JSRP1: variants seen among roughly 807,000 people sequenced by gnomAD.
The protein encoded by JSRP1 is 2310032K21Rik.
Under a neutral mutation model 21.4 loss-of-function variants are expected in JSRP1, and 29 were observed. The observed-to-expected ratio is 1.36, with a 90% CI of 1.01 to 1.85. The LOEUF (loss-of-function observed/expected upper bound fraction) is 1.85. Ranked by LOEUF, JSRP1 falls within the 40% of genes most tolerant of loss-of-function variation. The pLI is 0.00. For missense variants in JSRP1, 531 were observed against 461.5 expected (o/e 1.15, Z -1.38); for synonymous variants, 221 against 206.1 (o/e 1.07, Z -0.62).
Position 2,253,606 on chromosome 19 carries a change from G to A in JSRP1, c.436+14C>T, listed in dbSNP as rs1489562660. 1 of 1,452,822 alleles carries A rather than the reference G, an allele frequency of 6.9e-7. No individual in the cohort carries two copies. Among genetic ancestry groups the A allele is most frequent in the Admixed American group, 2.6e-5 (1 of 37,744 alleles). 90.0% of individuals were successfully genotyped at this position (1,452,822 alleles called of 1,614,324 possible). A position where few individuals can be genotyped will look rare whatever the true frequency, so the allele number is the denominator to read the frequency against. ...ACCCCAGCCTCGCCCCACCTCTGGGGAGCCTGCGCTCACCGCGGCACAGCT... is the reference window on the plus strand; with the variant it reads ...ACCCCAGCCTCGCCCCACCTCTGGGAAGCCTGCGCTCACCGCGGCACAGCT... On this transcript the variant is annotated intron_variant, in intron 5 of 6. Coordinates refer to ENST00000300961, the MANE Select transcript of JSRP1 (RefSeq NM_144616.4).
intron 4 of JSRP1, 63 bp downstream of exon 4, chr19:2,254,124 C>A: frequency 7.8e-7 from 1 of 1,278,528 alleles, no homozygotes; most frequent in Non-Finnish European, 1.1e-6. Context: ...CCAGCTCCGG[C>A]ACCTGAGCCT....
At chr19:2,254,603 G>A in intron 2 of JSRP1, 121 bp from the exon 3 acceptor site, 1 of 1,084,130 alleles carries the variant, frequency 9.2e-7, no homozygotes, top group Non-Finnish European at 1.4e-6. Context: ...GAAAGTAGGT[G>A]GAGGCCAGCA....
At chr19:2,255,439 C>G (rs993016639) in intron 1 of JSRP1, 95 bp from the exon 2 acceptor site, 3 of 571,618 alleles carry the variant, frequency 5.2e-6, no homozygotes, top group Non-Finnish European at 9.2e-6. Context: ...ACTAACAGGC[C>G]CCGTCCTCCC....
Position 2,254,473 on chromosome 19 carries a change from C to A in JSRP1, c.119G>T (p.Arg40Met). 6.2e-7 allele frequency: 1 copy of A among 1,612,850 alleles called. No homozygotes were observed. Among genetic ancestry groups the A allele is most frequent in the Non-Finnish European group, 8.5e-7 (1 of 1,179,962 alleles). ...TQEDRASATP[R>M]LADSGSVPHD... ...GGGCACGCTGCCGGAGTCGGCCAGCCTGGGTGTCGCTGTGGGAACACAGGC... is the reference window on the plus strand; with the variant it reads ...GGGCACGCTGCCGGAGTCGGCCAGCATGGGTGTCGCTGTGGGAACACAGGC... The change falls in exon 3 of 7, where the codon AGG becomes ATG. Residue 40 changes from arginine to methionine, a missense_variant. Physicochemically the swap from Arg to Met is moderately conservative, Grantham distance 91. Transcript: ENST00000300961.
chr19:2,254,052 C>T, intron 4 of JSRP1, 135 bp downstream of exon 4: 2 of 762,274 alleles, frequency 2.6e-6, no homozygotes, highest in Non-Finnish European at 4.3e-6. Context: ...TGCCCGTTGA[C>T]TCGCTGCCTG....
rs1423694791 is a variant in JSRP1, at chr19:2,252,387, TCGGGACGCCTC to T, written c.927_937del (p.Arg311GlyfsTer?). 1.3e-6 allele frequency: 2 copies of T among 1,591,356 alleles called. No homozygotes were observed. Among genetic ancestry groups the T allele is most frequent in the Non-Finnish European group, 1.7e-6 (2 of 1,171,134 alleles). ...GCGACTCCCAGGCCGCTGCTCCTCG[TCGGGACGCCTC>T]GGGGACACCCAGGCCTGCTTCTTCC... On this transcript the variant is annotated frameshift_variant, in exon 7 of 7. Transcript: ENST00000300961. LOFTEE classifies it low-confidence loss of function (END_TRUNC).
chr19:2,255,285 C>T lies in JSRP1; in HGVS notation c.30G>A (p.Glu10=). The T allele has an allele frequency of 1.9e-6, 3 of 1,611,316 alleles. No homozygotes were observed. The highest frequency in any genetic ancestry group is 2.5e-6 in the Non-Finnish European group (3 of 1,179,050). ...GGCAGCTGCCCAGGCCGCCATCCAG[C>T]TCCTCCCAGGCTCTGGTTGTCATGG... MSMTTRAWE[E]LDGGLGSCQA... Residue 10 remains glutamate, a synonymous_variant, in exon 2 of 7, where the codon GAG becomes GAA. Coordinates refer to ENST00000300961, the MANE Select transcript of JSRP1 (RefSeq NM_144616.4).
chr19:2,254,407 G>C, intron 3 of JSRP1, 38 bp downstream of exon 3: 1 of 1,612,026 alleles, frequency 6.2e-7, no homozygotes, highest in Non-Finnish European at 8.5e-7. Flanking sequence ...AACTCCCCAG[G>C]CGTCCTGGGT....
chr19:2,255,239 C>T lies in JSRP1; in HGVS notation c.76G>A (p.Ala26Thr). The change falls in exon 2 of 7, where the codon GCG (alanine) becomes ACG (threonine). Residue 26 changes from alanine (A) to threonine (T), a missense_variant. By Grantham distance (58) the Ala-to-Thr change is moderately conservative. Transcript: ENST00000300961. ...CTGTCCTCCTGGGTCTCGGCCAGCGCAGAGTGGTCCTCCAGGGCCTGGCAG... is the reference window on the plus strand; with the variant it reads ...CTGTCCTCCTGGGTCTCGGCCAGCGTAGAGTGGTCCTCCAGGGCCTGGCAG... ...GSCQALEDHS[A>T]LAETQEDRAS... 3 of 1,611,508 alleles carry T rather than the reference C, an allele frequency of 1.9e-6. No individual in the cohort carries two copies. Among genetic ancestry groups the T allele is most frequent in the Non-Finnish European group, 1.7e-6 (2 of 1,178,942 alleles).
rs745842561 is a variant in JSRP1 at position 2,255,201 on chromosome 19, G to T, written c.109+5C>A. Reference sequence around the variant, plus strand: ...GGCTTCCTCCCGCCAGCGCCACAAGGGTACCTGAAGCCCTGTCCTCCTGGG... The same window carrying T: ...GGCTTCCTCCCGCCAGCGCCACAAGTGTACCTGAAGCCCTGTCCTCCTGGG... On this transcript the variant is annotated splice_donor_5th_base_variant and intron_variant, in intron 2 of 6. Coordinates refer to ENST00000300961, the MANE Select transcript of JSRP1 (RefSeq NM_144616.4). The T allele has an allele frequency of 4.4e-6, 7 of 1,582,992 alleles. No individual in the cohort carries two copies. In the South Asian group the frequency reaches 7.8e-5, roughly 18 times the overall value.
chr19:2,254,721 T>TAAAAAAAAAAAA, intron 2 of JSRP1, among the ~76,000 whole-genome samples: 1 of 115,044 alleles, frequency 8.7e-6, no homozygotes. Flanking sequence ...ACCCCATCTC[T>TAAAAAAAAAAAA]AAAAAAAAAA....
In JSRP1 at chr19:2,252,814, G is replaced by T; in HGVS notation, c.529-18C>A. On this transcript the variant is annotated intron_variant, in intron 6 of 6. Coordinates refer to ENST00000300961, the MANE Select transcript of JSRP1 (RefSeq NM_144616.4). ...AACTTAGGCTGCAAGACAGAGTGGG[G>T]TCCTGGGGTAAGCGCCCACCTTCCC... 2 of 1,603,784 alleles carry T rather than the reference G, an allele frequency of 1.2e-6. No homozygotes were observed. Among genetic ancestry groups the T allele is most frequent in the Non-Finnish European group, 8.5e-7 (1 of 1,174,402 alleles).
At position 2,255,257 on chromosome 19, in the gene JSRP1, C is replaced by T. The variant is rs1364634061; in HGVS notation, c.58G>A (p.Ala20Thr). The T allele has an allele frequency of 2.5e-6, 4 of 1,611,488 alleles. No homozygotes were observed. The East Asian group carries it at 6.7e-5, about 27-fold the overall frequency. Residue 20 changes from alanine to threonine, a missense_variant, in exon 2 of 7, where the codon GCC becomes ACC. Coordinates refer to ENST00000300961, the MANE Select transcript of JSRP1 (RefSeq NM_144616.4). ...GCCAGCGCAGAGTGGTCCTCCAGGGCCTGGCAGCTGCCCAGGCCGCCATCC... is the reference window on the plus strand; with the variant it reads ...GCCAGCGCAGAGTGGTCCTCCAGGGTCTGGCAGCTGCCCAGGCCGCCATCC... The part of the protein sequence containing the change: ...ELDGGLGSCQ[A>T]LEDHSALAET...
In JSRP1 at chr19:2,255,267, G is replaced by A; in HGVS notation, c.48C>T (p.Gly16=). Residue 16 remains glycine (G), a synonymous_variant, in exon 2 of 7, where the codon GGC becomes GGT. Transcript: ENST00000300961. The part of the protein sequence containing the change: ...RAWEELDGGL[G]SCQALEDHSA... ...AGTGGTCCTCCAGGGCCTGGCAGCT[G>A]CCCAGGCCGCCATCCAGCTCCTCCC... is the stretch of plus-strand genomic sequence containing the variant. 1 of 1,611,290 alleles carries A rather than the reference G, an allele frequency of 6.2e-7. No individual in the cohort carries two copies. The highest frequency in any genetic ancestry group is 8.5e-7 in the Non-Finnish European group (1 of 1,178,984).
rs776024758 is a variant in JSRP1 at position 2,252,345 on chromosome 19, C to A, written c.980G>T (p.Gly327Val). 1.3e-5 allele frequency: 20 copies of A among 1,523,934 alleles called. 1 individual carries two copies. Among genetic ancestry groups the A allele is most frequent in the Non-Finnish European group, 1.1e-5 (13 of 1,139,750 alleles). The allele number at this position is 1,523,934 out of a possible 1,614,324, so 94.4% of individuals were successfully genotyped here. Residue 327 changes from glycine to valine, a missense_variant, in exon 7 of 7, where the codon GGC becomes GTC. Transcript: ENST00000300961. Reference protein sequence around the residue: ...RPGSRQKLRAGKGRD With the variant: ...RPGSRQKLRAVKGRD ...GGGGCCGGCTCAGTCCCGCCCCTTGCCTGCGCGGAGCTTCTGGCGACTCCC... is the reference window on the plus strand; with the variant it reads ...GGGGCCGGCTCAGTCCCGCCCCTTGACTGCGCGGAGCTTCTGGCGACTCCC...
In JSRP1 at chr19:2,252,715, T is replaced by C. The variant is rs2025077419; in HGVS notation, c.610A>G (p.Ser204Gly). 6.2e-7 allele frequency: 1 copy of C among 1,612,368 alleles called. No individual in the cohort carries two copies. Among genetic ancestry groups the C allele is most frequent in the Non-Finnish European group, 8.5e-7 (1 of 1,179,896 alleles). The change falls in exon 7 of 7, where the codon AGT becomes GGT. Residue 204 changes from serine (S) to glycine (G), a missense_variant. Ser to Gly is a moderately conservative substitution (Grantham distance 56, BLOSUM62 0). Coordinates refer to ENST00000300961, the MANE Select transcript of JSRP1 (RefSeq NM_144616.4). ...TCGTCGTTCTCTGCAGCCTCCCGACTCCCGGGAATCTTGGGTCTGACCTCT... is the reference window on the plus strand; with the variant it reads ...TCGTCGTTCTCTGCAGCCTCCCGACCCCCGGGAATCTTGGGTCTGACCTCT... ...EAEVRPKIPG[S>G]REAAENDEEE...
rs1467670796 is a variant in JSRP1 at position 2,254,211 on chromosome 19, TC to T, written c.237del (p.Lys80ArgfsTer4). 2 of 1,606,326 alleles carry T rather than the reference TC, an allele frequency of 1.2e-6. No individual in the cohort carries two copies. The highest frequency in any genetic ancestry group is 2.2e-5 in the South Asian group (2 of 89,926). On this transcript the variant is annotated frameshift_variant, in exon 4 of 7. Coordinates refer to ENST00000300961, the MANE Select transcript of JSRP1 (RefSeq NM_144616.4). LOFTEE classifies it high-confidence loss of function. The part of the protein sequence containing the change: ...EPAARGTPGT[G>X]KERLKAGASP... ...CTCGCTCCGGCTTTCAGCCTCTCCT[TC>T]CCCGTTCCTGGGGTCCCCCTGGCGG...
intron 2 of JSRP1, among the ~76,000 whole-genome samples, chr19:2,255,001 G>C (rs1360211949): frequency 6.6e-6 from 1 of 152,186 alleles, no homozygotes; most frequent in Non-Finnish European, 1.5e-5. Context: ...TTCGAACCTA[G>C]ATCTGTGTGG....
Position 2,252,705 on chromosome 19 carries a change from G to A in JSRP1, c.620C>T (p.Ala207Val). 6.2e-7 allele frequency: 1 copy of A among 1,612,346 alleles called. No individual in the cohort carries two copies. The highest frequency in any genetic ancestry group is 1.1e-5 in the South Asian group (1 of 91,076). ...GGGCTCCTCTTCGTCGTTCTCTGCA[G>A]CCTCCCGACTCCCGGGAATCTTGGG... ...VRPKIPGSRE[A>V]AENDEEEPGE... Residue 207 changes from alanine (A) to valine (V), a missense_variant, in exon 7 of 7, where the codon GCT becomes GTT. Coordinates refer to ENST00000300961, the MANE Select transcript of JSRP1 (RefSeq NM_144616.4).
Sources: allele counts gnomAD v4.1 joint callset (sites outside exome capture counted in the v4.1 genomes callset), GRCh38; gene constraint gnomAD v4.1.1; transcripts MANE v1.5; gene names NCBI Gene and HGNC (gene_info 2026-07-23, HGNC 2026-07-21).